Variants in CEP63 observed in about 807,000 individuals in gnomAD.
The protein encoded by CEP63 is centrosomal protein of 63 kDa.
In CEP63, 84 loss-of-function variants were observed where a neutral mutation model predicts 89.1. The observed-to-expected ratio is 0.94, with a 90% confidence interval of 0.79 to 1.13. CEP63 has a LOEUF of 1.13. Among genes scored for constraint, CEP63 ranks in the 50% most tolerant of loss-of-function variants. The probability of loss-of-function intolerance (pLI) is 0.00; values close to 1 mark genes in which losing one functional copy is unlikely to be tolerated. For synonymous variants in CEP63, 267 were observed against 272.5 expected, an observed-to-expected ratio of 0.98 and a Z score of 0.20; for missense variants, 838 against 813.3, an observed-to-expected ratio of 1.03 and a Z score of -0.37.
the CEP63 span, chr3:134,619,364 G>A: frequency 2.3e-6 from 2 of 869,578 alleles, no homozygotes; most frequent in African/African-American, 1.6e-5. Context: ...CCAGCCCCAG[G>A]AAACTACAGT....
At chr3:134,576,874 T>G (rs1958225737), downstream of CEP63, among the ~76,000 whole-genome samples, 1 of 152,200 alleles carries the variant, frequency 6.6e-6, no homozygotes, top group Admixed American at 6.5e-5. Context: ...CTCCCTGTGT[T>G]CACGGGCTTC....
chr3:134,679,188 A>C, the CEP63 span, among the ~76,000 whole-genome samples: 1 of 152,232 alleles, frequency 6.6e-6, no homozygotes, highest in Admixed American at 6.5e-5. Flanking sequence ...GCTGCCATTT[A>C]TTTGCTTTAT....
the CEP63 span, among the ~76,000 whole-genome samples, chr3:134,672,762 T>C: frequency 6.6e-6 from 1 of 152,220 alleles, no homozygotes; most frequent in Non-Finnish European, 1.5e-5. Context: ...GTCTTCTGGC[T>C]TCAGCTCCAA....
chr3:134,583,970 G>C (rs538608289), intron 10 of CEP63, among the ~76,000 whole-genome samples: 2 of 152,090 alleles, frequency 1.3e-5, no homozygotes, highest in East Asian at 3.9e-4. Flanking sequence ...CTCATGATTT[G>C]GCTCTCTGTC....
intron 12 of CEP63, among the ~76,000 whole-genome samples, chr3:134,557,784 T>TA (rs1280609487): frequency 6.6e-6 from 1 of 152,206 alleles, no homozygotes; most frequent in Non-Finnish European, 1.5e-5. Context: ...CTTTCATTAG[T>TA]ATTCTGGGGC....
At chr3:134,485,991 G>GCCCCCCCCCCCCCCCCCCC (rs5852785), upstream of CEP63, 2 of 846,592 alleles carry the variant, frequency 2.4e-6, no homozygotes, top group African/African-American at 3.9e-5. Context: ...CTCCTGCCAC[G>GCCCCCCCCCCCCCCCCCCC]CCCCCCCCCC....
chr3:134,561,227 C>T, intron 14 of CEP63, 150 bp from the exon 15 acceptor site: 1 of 763,746 alleles, frequency 1.3e-6, no homozygotes, highest in Non-Finnish European at 2.2e-6. Flanking sequence ...TCTTTTATTG[C>T]TCTTGTCATT....
intron 11 of CEP63, among the ~76,000 whole-genome samples, chr3:134,571,985 A>G (rs1314112786): frequency 6.6e-6 from 1 of 152,214 alleles, no homozygotes; most frequent in Non-Finnish European, 1.5e-5. Context: ...TGTGGCCTAT[A>G]CTCATAATGG....
At chr3:134,781,086 C>G in the CEP63 span, among the ~76,000 whole-genome samples, 3 of 152,282 alleles carry the variant, frequency 2.0e-5, no homozygotes, top group African/African-American at 7.2e-5. Context: ...TCCTAAATCT[C>G]TATATCAATT....
chr3:134,516,053 C>T (rs1357751630), intron 3 of CEP63, among the ~76,000 whole-genome samples: 1 of 152,082 alleles, frequency 6.6e-6, no homozygotes, highest in Non-Finnish European at 1.5e-5. Flanking sequence ...GCCCAGGGGA[C>T]CGGCGTTCAG....
chr3:134,527,952 G>A (rs1948999146), intron 3 of CEP63, among the ~76,000 whole-genome samples: 1 of 152,160 alleles, frequency 6.6e-6, no homozygotes, highest in Non-Finnish European at 1.5e-5. Context: ...CCCTGGCCAT[G>A]CCCCACCACA....
At chr3:134,692,447 C>CT in the CEP63 span, among the ~76,000 whole-genome samples, 2 of 151,860 alleles carry the variant, frequency 1.3e-5, no homozygotes, top group Non-Finnish European at 2.9e-5. Context: ...TGAACTCATC[C>CT]TTTTTTATGG....
the CEP63 span, among the ~76,000 whole-genome samples, chr3:134,687,459 C>T: frequency 2.0e-5 from 3 of 152,178 alleles, no homozygotes; most frequent in Admixed American, 2.0e-4. Flanking sequence ...TAGCACCATT[C>T]TTATTGCTGT....
At chr3:134,512,233 C>T (rs1474110528) in intron 3 of CEP63, among the ~76,000 whole-genome samples, 1 of 152,198 alleles carries the variant, frequency 6.6e-6, no homozygotes, top group African/African-American at 2.4e-5. Flanking sequence ...AACTTCAGCC[C>T]ACCTGCAAAT....
At chr3:134,694,640 G>A in the CEP63 span, among the ~76,000 whole-genome samples, 1 of 152,162 alleles carries the variant, frequency 6.6e-6, no homozygotes, top group Non-Finnish European at 1.5e-5. Context: ...CAGATGCCAG[G>A]GGCTGCTGCT....
the CEP63 span, among the ~76,000 whole-genome samples, chr3:134,639,068 G>C: frequency 7.6e-6 from 1 of 132,132 alleles, no homozygotes; most frequent in Non-Finnish European, 1.6e-5. Context: ...TTCTACTTTG[G>C]AGTTTTTTTT....
In CEP63 at chr3:134,516,188, CAT is replaced by C. The variant is rs756950991; in HGVS notation, c.222+8903_222+8904del. 5.9e-5 allele frequency among the ~76,000 whole-genome samples: 9 copies of C among 152,280 alleles called. No homozygotes were observed. The South Asian group carries it at 8.3e-4, about 14-fold the overall frequency. On this transcript the variant is annotated intron_variant, in intron 3 of 14. Coordinates refer to ENST00000675561, the MANE Select transcript of CEP63 (RefSeq NM_001353108.3). ...AGTGGAGAGAAGGTCAGCAGACAAA[CAT>C]GTGAACAAAGGTCTCTGCATCATGA...
At chr3:134,500,643 AGGT>A (rs1223036759) in intron 2 of CEP63, among the ~76,000 whole-genome samples, 1 of 152,138 alleles carries the variant, frequency 6.6e-6, no homozygotes, top group Non-Finnish European at 1.5e-5. Flanking sequence ...GACTGGTATG[AGGT>A]GGTATCTCAT....
chr3:134,492,233 C>T (rs1576696760), intron 1 of CEP63, among the ~76,000 whole-genome samples: 3 of 151,894 alleles, frequency 2.0e-5, no homozygotes, highest in Admixed American at 6.6e-5. Context: ...GCCACCATGC[C>T]CGGCTAATTT....
Sources: gnomAD v4.1 joint callset for allele counts (sites outside exome capture counted in the v4.1 genomes callset) on GRCh38, gnomAD v4.1.1 for gene constraint, MANE v1.5 for transcripts, NCBI Gene and HGNC (gene_info 2026-07-23, HGNC 2026-07-21) for gene names.